CDH13: variants seen among roughly 807,000 people sequenced by gnomAD.
CDH13 encodes cadherin-13.
A neutral mutation model predicts 63.8 loss-of-function variants in CDH13; 24 were observed. The ratio of observed to expected loss-of-function variants is 0.38; its 90% CI spans 0.27 to 0.53. CDH13 has a LOEUF of 0.53. CDH13 is among the 20% of genes least tolerant of loss of function. CDH13 has a pLI of 0.85. For missense variants in CDH13, 1,049 were observed against 903.1 expected (o/e 1.16, Z -2.07); for synonymous variants, 503 against 355.3 (o/e 1.42, Z -4.67).
Position 83,149,956 on chromosome 16 carries a change from G to A in CDH13, c.483+24455G>A, listed in dbSNP as rs548609533. On this transcript the variant is annotated intron_variant, in intron 4 of 13. Coordinates refer to ENST00000567109, the MANE Select transcript of CDH13 (RefSeq NM_001257.5). ...CAGCATGCCACTGATTACAAGCAGC[G>A]ATGTGAGATTGTATCTTCTTATTTC... 7.3e-4 allele frequency among the ~76,000 whole-genome samples: 111 copies of A among 152,276 alleles called. 1 individual carries two copies. In the South Asian group the frequency reaches 0.017, roughly 23 times the overall value.
At chr16:82,696,396 A>G (rs1354140352) in intron 1 of CDH13, among the ~76,000 whole-genome samples, 2 of 152,248 alleles carry the variant, frequency 1.3e-5, no homozygotes, top group Non-Finnish European at 2.9e-5. Flanking sequence ...AATTGTATTC[A>G]AAAGTAAAAC....
intron 10 of CDH13, among the ~76,000 whole-genome samples, chr16:83,744,705 C>T (rs1359273488): frequency 9.2e-5 from 14 of 152,188 alleles, no homozygotes; most frequent in South Asian, 6.2e-4. Context: ...CCCCCGAGGG[C>T]GCCCCGCACA....
chr16:82,728,866 C>G (rs1342408776), intron 1 of CDH13, among the ~76,000 whole-genome samples: 2 of 152,190 alleles, frequency 1.3e-5, no homozygotes, highest in African/African-American at 4.8e-5. Context: ...AGCCCTGCTA[C>G]TGCTTTGTCA....
At chr16:82,676,925 C>T (rs1349767989) in intron 1 of CDH13, among the ~76,000 whole-genome samples, 2 of 151,638 alleles carry the variant, frequency 1.3e-5, no homozygotes, top group Non-Finnish European at 2.9e-5. Flanking sequence ...CACTCTGTCA[C>T]CAGGCTAGAG....
At chr16:83,371,208 C>A (rs1023492132) in intron 6 of CDH13, among the ~76,000 whole-genome samples, 2 of 152,232 alleles carry the variant, frequency 1.3e-5, no homozygotes, top group Non-Finnish European at 2.9e-5. Context: ...ATAAATCATT[C>A]TGCCATAAAG....
chr16:82,674,519 A>C (rs1913669932), intron 1 of CDH13, among the ~76,000 whole-genome samples: 1 of 152,248 alleles, frequency 6.6e-6, no homozygotes, highest in African/African-American at 2.4e-5. Flanking sequence ...AGCAGGGGCA[A>C]GTGCCTGAGT....
chr16:82,918,848 C>T (rs1052139657), intron 2 of CDH13, among the ~76,000 whole-genome samples: 7 of 152,036 alleles, frequency 4.6e-5, no homozygotes, highest in African/African-American at 1.4e-4. Context: ...ACTAATTGCT[C>T]CTCTCCAGAG....
Position 83,361,181 on chromosome 16 carries a change from T to C in CDH13, c.781+16175T>C, listed in dbSNP as rs142891833. 2.7e-3 allele frequency among the ~76,000 whole-genome samples: 417 copies of C among 152,330 alleles called. 2 individuals are homozygous for C. Among genetic ancestry groups the C allele is most frequent in the African/African-American group, 9.7e-3 (404 of 41,576 alleles). On this transcript the variant is annotated intron_variant, in intron 6 of 13. Transcript: ENST00000567109. ...GTGGTTTCAGTTTGCGTTTCCCTGA[T>C]GATTAGTGATCACAATTTTTCATAT...
At chr16:82,673,210 G>T (rs540867183) in intron 1 of CDH13, among the ~76,000 whole-genome samples, 34 of 152,090 alleles carry the variant, frequency 2.2e-4, no homozygotes, top group Admixed American at 7.2e-4. Context: ...GAATTTGGTA[G>T]ATGCAGGTGT....
At chr16:83,310,945 A>G (rs748007187) in intron 5 of CDH13, among the ~76,000 whole-genome samples, 4 of 152,210 alleles carry the variant, frequency 2.6e-5, no homozygotes, top group Non-Finnish European at 5.9e-5. Flanking sequence ...TCCACCTGAC[A>G]GGAAGTTCCA....
intron 2 of CDH13, among the ~76,000 whole-genome samples, chr16:82,990,706 C>G (rs886398482): frequency 1.1e-4 from 17 of 152,112 alleles, no homozygotes; most frequent in African/African-American, 3.9e-4. Context: ...GCCACCAGGA[C>G]CAGCTATTTA....
At chr16:83,306,599 C>T (rs1276963097) in intron 5 of CDH13, among the ~76,000 whole-genome samples, 1 of 152,156 alleles carries the variant, frequency 6.6e-6, no homozygotes, top group Admixed American at 6.5e-5. Flanking sequence ...GCCTGCAAAC[C>T]TGAGCTAAAT....
intron 2 of CDH13, among the ~76,000 whole-genome samples, chr16:82,984,945 A>G (rs1046988208): frequency 6.6e-6 from 1 of 152,072 alleles, no homozygotes; most frequent in Non-Finnish European, 1.5e-5. Context: ...CAATATTCCT[A>G]CTTAGCTGCT....
At chr16:83,622,078 G>A (rs570072731) in intron 8 of CDH13, among the ~76,000 whole-genome samples, 156 of 152,218 alleles carry the variant, frequency 1.0e-3, no homozygotes, top group African/African-American at 3.5e-3. Flanking sequence ...ATAACTTTTC[G>A]AAAGCTAATT....
intron 11 of CDH13, among the ~76,000 whole-genome samples, chr16:83,767,805 T>C (rs533926587): frequency 2.0e-5 from 3 of 152,250 alleles, no homozygotes; most frequent in South Asian, 4.2e-4. Flanking sequence ...GGCGAATCTG[T>C]AGAGACAGAA....
intron 6 of CDH13, among the ~76,000 whole-genome samples, chr16:83,403,159 T>G (rs1293122050): frequency 6.6e-6 from 1 of 152,118 alleles, no homozygotes; most frequent in Non-Finnish European, 1.5e-5. Context: ...CTTGTGAGAA[T>G]GAAAAGCTAA....
intron 2 of CDH13, among the ~76,000 whole-genome samples, chr16:82,967,384 C>A (rs1468865922): frequency 1.3e-5 from 2 of 152,104 alleles, no homozygotes; most frequent in African/African-American, 4.8e-5. Context: ...AACTGACTTC[C>A]CCATTAGGGT....
chr16:82,896,032 A>G (rs1020164467), intron 2 of CDH13, among the ~76,000 whole-genome samples: 10 of 152,152 alleles, frequency 6.6e-5, no homozygotes, highest in African/African-American at 2.4e-4. Flanking sequence ...TACCTCTTTA[A>G]GAGCTCTTCA....
chr16:83,698,330 A>T (rs1349512339), intron 10 of CDH13, among the ~76,000 whole-genome samples: 1 of 152,196 alleles, frequency 6.6e-6, no homozygotes, highest in African/African-American at 2.4e-5. Context: ...TATTTGATGC[A>T]CTTCCTTGGT....
Sources: allele counts gnomAD v4.1 joint callset (sites outside exome capture counted in the v4.1 genomes callset), GRCh38; gene constraint gnomAD v4.1.1; transcripts MANE v1.5; gene names NCBI Gene and HGNC (gene_info 2026-07-23, HGNC 2026-07-21).